The following FGGY variants were observed in gnomAD, a reference collection of about 807,000 sequenced individuals.
The protein encoded by FGGY is FGGY carbohydrate kinase domain containing.
Under a neutral mutation model 71.3 loss-of-function variants are expected in FGGY, and 72 were observed. The ratio of observed to expected loss-of-function variants is 1.01; its 90% CI spans 0.84 to 1.23. The LOEUF (loss-of-function observed/expected upper bound fraction) is 1.23, where lower values mean the gene tolerates loss of function less well. FGGY is among the 50% of genes most tolerant of loss of function. FGGY has a pLI of 0.00. For synonymous variants in FGGY, 251 were observed against 250.3 expected (o/e 1.00, Z -0.02); for missense variants, 668 against 682.3 (o/e 0.98, Z 0.23).
chr1:59,480,767 C>T (rs2093438504), intron 6 of FGGY, among the ~76,000 whole-genome samples: 1 of 152,060 alleles, frequency 6.6e-6, no homozygotes, highest in South Asian at 2.1e-4. Flanking sequence ...TGCTGGAACA[C>T]TGAGTTTGAG....
At chr1:59,341,028 C>G (rs374590044) in intron 3 of FGGY, among the ~76,000 whole-genome samples, 27 of 152,274 alleles carry the variant, frequency 1.8e-4, no homozygotes, top group African/African-American at 5.8e-4. Context: ...ACCCTTGATT[C>G]TGCACACTGT....
At position 59,456,946 on chromosome 1, in the gene FGGY, C is replaced by G. The variant is rs1277223337; in HGVS notation, c.555-15C>G. 6.3e-7 allele frequency: 1 copy of G among 1,589,974 alleles called. No homozygotes were observed. The highest frequency in any genetic ancestry group is 8.6e-7 in the Non-Finnish European group (1 of 1,158,324). On this transcript the variant is annotated splice_polypyrimidine_tract_variant and intron_variant, in intron 5 of 15. Coordinates refer to ENST00000303721, the MANE Select transcript of FGGY (RefSeq NM_018291.5). ...CATATGGTCAGTTCTATCTATATCTCTTCTATTTTCTTAGGTCTCTCTGCT... is the reference window on the plus strand; with the variant it reads ...CATATGGTCAGTTCTATCTATATCTGTTCTATTTTCTTAGGTCTCTCTGCT...
At chr1:59,628,050 G>A (rs1490794359) in intron 10 of FGGY, among the ~76,000 whole-genome samples, 1 of 152,136 alleles carries the variant, frequency 6.6e-6, no homozygotes, top group Non-Finnish European at 1.5e-5. Context: ...AATCATTAAT[G>A]GATGCTAAAA....
At chr1:59,727,002 T>C (rs1001086644) in intron 14 of FGGY, among the ~76,000 whole-genome samples, 18 of 152,270 alleles carry the variant, frequency 1.2e-4, no homozygotes, top group African/African-American at 4.1e-4. Flanking sequence ...GTAGTGAGCA[T>C]AGTACACAAT....
chr1:59,654,344 T>C (rs949030785), intron 11 of FGGY, among the ~76,000 whole-genome samples: 11 of 152,166 alleles, frequency 7.2e-5, no homozygotes, highest in African/African-American at 2.7e-4. Context: ...GTCCATCAGC[T>C]CCACCTTCAT....
chr1:59,652,553 G>T (rs1212825766), intron 11 of FGGY, among the ~76,000 whole-genome samples: 1 of 143,778 alleles, frequency 7.0e-6, no homozygotes, highest in African/African-American at 2.7e-5. Flanking sequence ...ATCGGCTCCT[G>T]AGGCTTCTGC....
At chr1:59,590,365 A>T (rs957999935) in intron 8 of FGGY, among the ~76,000 whole-genome samples, 7 of 152,230 alleles carry the variant, frequency 4.6e-5, no homozygotes, top group African/African-American at 1.2e-4. Flanking sequence ...AGGTACAAGG[A>T]GGAAGTGGTA....
chr1:59,530,945 C>T (rs2095125459), intron 7 of FGGY, among the ~76,000 whole-genome samples: 2 of 152,114 alleles, frequency 1.3e-5, no homozygotes, highest in Middle Eastern at 3.2e-3. Context: ...TTGTAAGAGA[C>T]CTTGAAGGCC....
intron 4 of FGGY, among the ~76,000 whole-genome samples, chr1:59,352,426 T>G (rs1429033313): frequency 1.3e-5 from 2 of 152,244 alleles, no homozygotes; most frequent in Non-Finnish European, 2.9e-5. Flanking sequence ...TTTTTCTTGC[T>G]TATTCCAAAG....
chr1:59,560,416 T>A (rs974486281), intron 8 of FGGY, among the ~76,000 whole-genome samples: 2 of 152,122 alleles, frequency 1.3e-5, no homozygotes, highest in African/African-American at 4.8e-5. Flanking sequence ...TTAGGTAAAA[T>A]CTAAGGAAAT....
At chr1:59,527,207 ATT>A (rs1007634824) in intron 7 of FGGY, among the ~76,000 whole-genome samples, 5 of 152,358 alleles carry the variant, frequency 3.3e-5, no homozygotes, top group Admixed American at 3.3e-4. Context: ...ATACCATCTC[ATT>A]TTAAGCTTAG....
intron 5 of FGGY, among the ~76,000 whole-genome samples, chr1:59,379,806 T>G (rs1381918605): frequency 6.6e-6 from 1 of 152,206 alleles, no homozygotes; most frequent in Non-Finnish European, 1.5e-5. Flanking sequence ...TTTTTTCTTT[T>G]TTTTTCATTA....
chr1:59,311,093 T>C (rs2044234844), intron 1 of FGGY, among the ~76,000 whole-genome samples: 1 of 152,160 alleles, frequency 6.6e-6, no homozygotes, highest in South Asian at 2.1e-4. Flanking sequence ...GCATTTCTAA[T>C]GATCATCTGA....
chr1:59,452,606 C>G (rs182135446), intron 5 of FGGY, among the ~76,000 whole-genome samples: 4 of 152,216 alleles, frequency 2.6e-5, no homozygotes, highest in African/African-American at 9.6e-5. Context: ...TTTGTTTTGC[C>G]TACTCATTGA....
At chr1:59,625,898 A>G (rs887853407) in intron 9 of FGGY, 90 bp from the exon 10 acceptor site, 4 of 965,504 alleles carry the variant, frequency 4.1e-6, no homozygotes, top group Non-Finnish European at 5.9e-6. Flanking sequence ...AAGAGTTGAA[A>G]GAAACATATA....
intron 11 of FGGY, among the ~76,000 whole-genome samples, chr1:59,656,695 G>A (rs2097221305): frequency 6.6e-6 from 1 of 152,184 alleles, no homozygotes; most frequent in African/African-American, 2.4e-5. Context: ...AATTGTGTTT[G>A]TGGCTTCCCT....
chr1:59,631,578 A>G (rs2096908942), intron 10 of FGGY, among the ~76,000 whole-genome samples: 4 of 152,172 alleles, frequency 2.6e-5, no homozygotes, highest in Admixed American at 2.6e-4. Context: ...ATCCTTCTGA[A>G]TCAAGAACCA....
chr1:59,489,508 G>A (rs1032524875), intron 6 of FGGY, among the ~76,000 whole-genome samples: 1 of 152,078 alleles, frequency 6.6e-6, no homozygotes, highest in Admixed American at 6.6e-5. Flanking sequence ...TTAATATAAT[G>A]TCCTCCATTT....
intron 11 of FGGY, among the ~76,000 whole-genome samples, chr1:59,648,667 A>G (rs1003584097): frequency 2.7e-5 from 4 of 150,136 alleles, no homozygotes; most frequent in African/African-American, 1.0e-4. Context: ...TCAGATGAGT[A>G]GGTTGCGAAA....
Sources: gnomAD v4.1 joint callset for allele counts (sites outside exome capture counted in the v4.1 genomes callset) on GRCh38, gnomAD v4.1.1 for gene constraint, MANE v1.5 for transcripts, NCBI Gene and HGNC (gene_info 2026-07-23, HGNC 2026-07-21) for gene names.